The following CNTN4 variants were observed in gnomAD, a reference collection of about 807,000 sequenced individuals.
CNTN4 encodes contactin 4.
Under a neutral mutation model 122.5 loss-of-function variants are expected in CNTN4, and 77 were observed. That is an observed-to-expected ratio of 0.63 (90% CI 0.52 to 0.76). The LOEUF (loss-of-function observed/expected upper bound fraction) is 0.76. Among genes scored for constraint, CNTN4 ranks in the 30% least tolerant of loss-of-function variants. The probability of loss-of-function intolerance (pLI) is 0.00; values close to 1 mark genes in which losing one functional copy is unlikely to be tolerated. For missense variants in CNTN4, 1,256 were observed against 1,259.1 expected, an observed-to-expected ratio of 1.00 and a Z score of 0.04; for synonymous variants, 512 against 447.0, an observed-to-expected ratio of 1.15 and a Z score of -1.83.
chr3:2,208,503 G>T (rs1168194443), intron 2 of CNTN4, among the ~76,000 whole-genome samples: 1 of 152,128 alleles, frequency 6.6e-6, no homozygotes, highest in African/African-American at 2.4e-5. Context: ...TCCTGGTGAA[G>T]ATACTGTGAA....
chr3:2,431,726 T>G (rs1401023876), intron 3 of CNTN4, among the ~76,000 whole-genome samples: 1 of 152,204 alleles, frequency 6.6e-6, no homozygotes, highest in African/African-American at 2.4e-5. Context: ...ATTGTATAAG[T>G]GTGCAAATTT....
chr3:3,003,684 C>CAAAAAAAAA (rs58290160), intron 14 of CNTN4, among the ~76,000 whole-genome samples: 144 of 76,964 alleles, frequency 1.9e-3, no homozygotes, highest in Middle Eastern at 0.01. Flanking sequence ...ATGGTTGCAC[C>CAAAAAAAAA]AAAAAAAAAA....
At chr3:2,557,002 T>C (rs2078747332) in intron 3 of CNTN4, among the ~76,000 whole-genome samples, 1 of 152,200 alleles carries the variant, frequency 6.6e-6, no homozygotes, top group Non-Finnish European at 1.5e-5. Context: ...CTTAAACAAA[T>C]CATGAAATTG....
chr3:2,676,452 C>T (rs570046639), intron 4 of CNTN4, among the ~76,000 whole-genome samples: 1 of 152,176 alleles, frequency 6.6e-6, no homozygotes, highest in African/African-American at 2.4e-5. Flanking sequence ...AAACTCCTGA[C>T]CTCAAGTGAT....
chr3:2,854,268 C>CTT (rs56147510), intron 7 of CNTN4, among the ~76,000 whole-genome samples: 3,750 of 89,988 alleles, frequency 0.042, 241 homozygotes, highest in African/African-American at 0.1. Context: ...CTTTCTTCTT[C>CTT]TTTTTTTTTT....
chr3:2,802,524 G>A (rs2092373020), intron 6 of CNTN4, among the ~76,000 whole-genome samples: 1 of 152,168 alleles, frequency 6.6e-6, no homozygotes, highest in African/African-American at 2.4e-5. Context: ...ATACGTGTCA[G>A]ATGAGCTTCT....
chr3:2,730,309 T>C (rs554589443), intron 4 of CNTN4, among the ~76,000 whole-genome samples: 2 of 152,348 alleles, frequency 1.3e-5, no homozygotes, highest in East Asian at 3.9e-4. Context: ...ATACTTTGAA[T>C]CATCTAGCAC....
At chr3:2,959,775 C>G (rs1024776483) in intron 13 of CNTN4, among the ~76,000 whole-genome samples, 2 of 152,022 alleles carry the variant, frequency 1.3e-5, no homozygotes, top group African/African-American at 4.8e-5. Context: ...ACTTTTAGCA[C>G]CTATTAAGTT....
At chr3:2,750,987 G>A (rs1044679110) in intron 6 of CNTN4, among the ~76,000 whole-genome samples, 2 of 152,042 alleles carry the variant, frequency 1.3e-5, no homozygotes, top group African/African-American at 4.8e-5. Flanking sequence ...TATTGGTGTG[G>A]CAGGCGTTGG....
At chr3:2,765,361 A>G (rs1333378244) in intron 6 of CNTN4, among the ~76,000 whole-genome samples, 1 of 152,214 alleles carries the variant, frequency 6.6e-6, no homozygotes, top group African/African-American at 2.4e-5. Context: ...ATGGAGCTCA[A>G]GTAATGCTGA....
intron 3 of CNTN4, among the ~76,000 whole-genome samples, chr3:2,416,534 A>C (rs2047419379): frequency 6.6e-6 from 1 of 152,238 alleles, no homozygotes; most frequent in Admixed American, 6.5e-5. Context: ...GAGCTTCATT[A>C]GTGGATATTA....
At chr3:2,631,879 C>CAAAAAA (rs1027845200) in intron 4 of CNTN4, among the ~76,000 whole-genome samples, 3 of 113,402 alleles carry the variant, frequency 2.6e-5, no homozygotes, top group South Asian at 2.7e-4. Flanking sequence ...AAAAAAAAAA[C>CAAAAAA]AAAAAAAAAC....
intron 7 of CNTN4, among the ~76,000 whole-genome samples, chr3:2,819,930 G>C (rs2092825728): frequency 6.6e-6 from 1 of 152,148 alleles, no homozygotes; most frequent in Non-Finnish European, 1.5e-5. Context: ...TTCATCTCCT[G>C]GTTGGTCTGG....
chr3:2,245,467 A>G (rs1456906814), intron 2 of CNTN4, among the ~76,000 whole-genome samples: 1 of 152,058 alleles, frequency 6.6e-6, no homozygotes, highest in East Asian at 1.9e-4. Context: ...GAAAAAGGCA[A>G]TGACAGTGTG....
chr3:2,200,884 T>C (rs542307331), intron 2 of CNTN4, among the ~76,000 whole-genome samples: 5 of 152,266 alleles, frequency 3.3e-5, no homozygotes, highest in African/African-American at 1.2e-4. Context: ...TTCAAGAATT[T>C]TTTTGACTCC....
chr3:2,506,763 G>GA (rs2076741307), intron 3 of CNTN4, among the ~76,000 whole-genome samples: 1 of 152,112 alleles, frequency 6.6e-6, no homozygotes, highest in Non-Finnish European at 1.5e-5. Flanking sequence ...GAAGTACATG[G>GA]AGCTCACTTT....
chr3:2,216,793 C>G (rs145199369), intron 2 of CNTN4, among the ~76,000 whole-genome samples: 2 of 152,228 alleles, frequency 1.3e-5, no homozygotes, highest in African/African-American at 4.8e-5. Context: ...CTGCATACCC[C>G]TCCTCACTCC....
At chr3:2,983,122 G>A (rs1158479588) in intron 13 of CNTN4, among the ~76,000 whole-genome samples, 2 of 146,394 alleles carry the variant, frequency 1.4e-5, no homozygotes. Context: ...GCTGAGACAG[G>A]AGAATGGTAT....
chr3:2,344,504 T>C (rs925219800), intron 3 of CNTN4, among the ~76,000 whole-genome samples: 1 of 152,064 alleles, frequency 6.6e-6, no homozygotes, highest in African/African-American at 2.4e-5. Context: ...ACTCTCAAAC[T>C]CCTGACCTCA....
Sources: allele counts gnomAD v4.1 joint callset (sites outside exome capture counted in the v4.1 genomes callset), GRCh38; gene constraint gnomAD v4.1.1; transcripts MANE v1.5; gene names NCBI Gene and HGNC (gene_info 2026-07-23, HGNC 2026-07-21).